Variants in NPR3 observed in about 807,000 individuals in gnomAD.
NPR3 encodes natriuretic peptide receptor 3.
Under a neutral mutation model 54.5 loss-of-function variants are expected in NPR3, and 34 were observed. The ratio of observed to expected loss-of-function variants is 0.62; its 90% CI spans 0.47 to 0.83. The LOEUF (loss-of-function observed/expected upper bound fraction) is 0.83. Ranked by LOEUF, NPR3 falls within the 40% of genes least tolerant of loss-of-function variation. The pLI, the probability that NPR3 is intolerant of heterozygous loss-of-function variation, is 0.00. For missense variants in NPR3, 674 were observed against 720.8 expected (o/e 0.94, Z 0.74); for synonymous variants, 289 against 297.1 (o/e 0.97, Z 0.28).
intron 1 of NPR3, among the ~76,000 whole-genome samples, chr5:32,712,927 A>C (rs1738338919): frequency 6.6e-6 from 1 of 152,080 alleles, no homozygotes; most frequent in Non-Finnish European, 1.5e-5. Context: ...TCCGAGGCGG[A>C]AAGAACTTGT....
At chr5:32,740,422 A>G (rs922608378) in intron 3 of NPR3, among the ~76,000 whole-genome samples, 1 of 152,212 alleles carries the variant, frequency 6.6e-6, no homozygotes, top group African/African-American at 2.4e-5. Flanking sequence ...TTTGTTATCA[A>G]ATGACATACA....
chr5:32,718,468 A>G (rs949245826), intron 1 of NPR3, among the ~76,000 whole-genome samples: 1 of 152,228 alleles, frequency 6.6e-6, no homozygotes, highest in Non-Finnish European at 1.5e-5. Flanking sequence ...CTTCCTATCC[A>G]TGAGCATGGA....
intron 3 of NPR3, among the ~76,000 whole-genome samples, chr5:32,762,037 G>A (rs1471377257): frequency 6.6e-6 from 1 of 152,136 alleles, no homozygotes; most frequent in African/African-American, 2.4e-5. Flanking sequence ...GTGAGAACAT[G>A]TGGTGTTTGG....
chr5:32,762,614 T>G (rs1160516069), intron 3 of NPR3, among the ~76,000 whole-genome samples: 1 of 152,066 alleles, frequency 6.6e-6, no homozygotes, highest in African/African-American at 2.4e-5. Flanking sequence ...GTTCATATCC[T>G]TCTGTCATAT....
intron 2 of NPR3, among the ~76,000 whole-genome samples, chr5:32,728,835 G>GGATA (rs1554014340): frequency 5.6e-4 from 34 of 60,624 alleles, no homozygotes; most frequent in South Asian, 2.6e-3. Flanking sequence ...GTGTGTGTGT[G>GGATA]TGTATATATA....
chr5:32,709,411 T>TTC (rs1374817136), upstream of NPR3: 2 of 122,742 alleles, frequency 1.6e-5, no homozygotes, highest in African/African-American at 7.7e-5. Context: ...TTCTTTTTCT[T>TTC]TTTTTTTTTT....
At chr5:32,714,854 A>G (rs1738467106) in intron 1 of NPR3, among the ~76,000 whole-genome samples, 2 of 152,174 alleles carry the variant, frequency 1.3e-5, no homozygotes, top group Non-Finnish European at 2.9e-5. Context: ...ATTGCAGTGA[A>G]GTTTCTGGCT....
chr5:32,756,643 A>G (rs994746773), intron 3 of NPR3, among the ~76,000 whole-genome samples: 9 of 152,264 alleles, frequency 5.9e-5, no homozygotes, highest in African/African-American at 2.2e-4. Flanking sequence ...TTTTGTTGCC[A>G]TTGCTTTTGG....
At position 32,789,586 on chromosome 5, in the gene NPR3, A is replaced by G. The variant is rs1742804258; in HGVS notation, c.*3241A>G. On this transcript the variant is annotated 3_prime_UTR_variant, in exon 8 of 8. Transcript: ENST00000265074. The stretch of plus-strand genomic sequence containing the variant: ...CCTTTTCTCCTTTCTCTTAAATTCA[A>G]AGACGTTTGCTTTGGAATGCCCTCA... 1 of 534,630 alleles carries G rather than the reference A, an allele frequency of 1.9e-6. No homozygotes were observed. Among genetic ancestry groups the G allele is most frequent in the Admixed American group, 1.9e-5 (1 of 51,572 alleles). 33.1% of individuals were successfully genotyped at this position (534,630 alleles called of 1,614,324 possible).
chr5:32,731,300 T>C (rs373703051), intron 2 of NPR3, among the ~76,000 whole-genome samples: 1 of 152,236 alleles, frequency 6.6e-6, no homozygotes, highest in African/African-American at 2.4e-5. Flanking sequence ...CTTTATATTT[T>C]ACCTTTTACG....
chr5:32,718,482 T>G (rs1168142544), intron 1 of NPR3, among the ~76,000 whole-genome samples: 4 of 152,246 alleles, frequency 2.6e-5, no homozygotes, highest in Admixed American at 2.0e-4. Context: ...GCATGGAATA[T>G]TCTTTCATTT....
intron 2 of NPR3, among the ~76,000 whole-genome samples, chr5:32,732,013 G>A (rs1475377742): frequency 4.6e-5 from 7 of 151,804 alleles, no homozygotes; most frequent in East Asian, 3.9e-4. Flanking sequence ...AGGCCAAGGC[G>A]GGTGGATCAT....
rs1738267432 is a variant in NPR3, at chr5:32,711,974, G to A, written c.198G>A (p.Leu66=). Residue 66 remains leucine (L), a synonymous_variant, in exon 1 of 8, where the codon TTG becomes TTA. Coordinates refer to ENST00000265074, the MANE Select transcript of NPR3 (RefSeq NM_001204375.2). Reference sequence around the variant, plus strand: ...TACTGCCCCAGGATGACTCGTACTTGTTTTCACTCACCCGGGTGCGGCCGG... The same window carrying A: ...TACTGCCCCAGGATGACTCGTACTTATTTTCACTCACCCGGGTGCGGCCGG... ...LVLLPQDDSY[L]FSLTRVRPAI... The A allele has an allele frequency of 1.9e-6, 3 of 1,605,668 alleles. No homozygotes were observed. The highest frequency in any genetic ancestry group is 1.1e-5 in the South Asian group (1 of 90,420).
chr5:32,784,031 T>C (rs1488167487), intron 6 of NPR3, among the ~76,000 whole-genome samples: 1 of 152,238 alleles, frequency 6.6e-6, no homozygotes, highest in Non-Finnish European at 1.5e-5. Flanking sequence ...GTAGGACATT[T>C]TGACATGAAA....
At chr5:32,738,840 T>C in intron 2 of NPR3, 24 bp from the exon 3 acceptor site, 1 of 1,605,564 alleles carries the variant, frequency 6.2e-7, no homozygotes, top group Non-Finnish European at 8.5e-7. Flanking sequence ...CTTGGAATTA[T>C]AAATATTTTT....
intron 2 of NPR3, among the ~76,000 whole-genome samples, chr5:32,725,898 C>A (rs1050826868): frequency 6.6e-6 from 1 of 152,154 alleles, no homozygotes; most frequent in African/African-American, 2.4e-5. Context: ...AGTTGTGAAC[C>A]ACCAATGTAT....
rs1448128689 is a variant in NPR3, at chr5:32,712,249, G to T, written c.473G>T (p.Gly158Val). 1.2e-6 allele frequency: 2 copies of T among 1,612,666 alleles called. No homozygotes were observed. The highest frequency in any genetic ancestry group is 2.7e-5 in the African/African-American group (2 of 75,052). ...TGGGACCTGCCCATGCTGTCGGCTGGGGCGCTGGCCGCTGGCTTCCAGCAC... is the reference window on the plus strand; with the variant it reads ...TGGGACCTGCCCATGCTGTCGGCTGTGGCGCTGGCCGCTGGCTTCCAGCAC... ...SHWDLPMLSA[G>V]ALAAGFQHKD... Residue 158 changes from glycine to valine, a missense_variant, in exon 1 of 8, where the codon GGG (glycine) becomes GTG (valine). Coordinates refer to ENST00000265074, the MANE Select transcript of NPR3 (RefSeq NM_001204375.2).
chr5:32,755,824 A>G (rs185968578), intron 3 of NPR3, among the ~76,000 whole-genome samples: 126 of 152,236 alleles, frequency 8.3e-4, no homozygotes, highest in Non-Finnish European at 1.2e-3. Context: ...TCATTGTTCA[A>G]TTCCCACCTA....
At chr5:32,726,392 A>T (rs1739138372) in intron 2 of NPR3, among the ~76,000 whole-genome samples, 1 of 152,172 alleles carries the variant, frequency 6.6e-6, no homozygotes. Context: ...CTTGCAAGAT[A>T]AACACCCTAG....
Sources: allele counts gnomAD v4.1 joint callset (sites outside exome capture counted in the v4.1 genomes callset), GRCh38; gene constraint gnomAD v4.1.1; transcripts MANE v1.5; gene names NCBI Gene and HGNC (gene_info 2026-07-23, HGNC 2026-07-21).